Variants in GRK1 observed in about 807,000 individuals in gnomAD.
The protein encoded by GRK1 is rhodopsin kinase GRK1.
A neutral mutation model predicts 41.7 loss-of-function variants in GRK1; 28 were observed. The ratio of observed to expected loss-of-function variants is 0.67; its 90% confidence interval spans 0.50 to 0.92. The LOEUF (loss-of-function observed/expected upper bound fraction) is 0.92, where lower values mean the gene tolerates loss of function less well. Among genes scored for constraint, GRK1 ranks in the 40% least tolerant of loss-of-function variants. The probability of loss-of-function intolerance (pLI) is 0.00; values close to 1 mark genes in which losing one functional copy is unlikely to be tolerated. For synonymous variants in GRK1, 327 were observed against 286.7 expected, an observed-to-expected ratio of 1.14 and a Z score of -1.42; for missense variants, 703 against 671.2, an observed-to-expected ratio of 1.05 and a Z score of -0.52.
chr13:113,728,049 G>A (rs1456253057), intron 4 of GRK1, among the ~76,000 whole-genome samples: 8 of 94,240 alleles, frequency 8.5e-5, no homozygotes, highest in East Asian at 3.5e-4. Context: ...TACCCATGGC[G>A]ATGAGGAGTA....
At position 113,735,107 on chromosome 13, in the gene GRK1, T is replaced by C. The variant is rs761784046; in HGVS notation, c.1436T>C (p.Val479Ala). 2.0e-6 allele frequency: 3 copies of C among 1,534,506 alleles called. No individual in the cohort carries two copies. In the South Asian group the frequency reaches 3.6e-5, roughly 18 times the overall value. ...MPPFIPDSKTVYAKDIQDVGA... is the reference protein window; with the variant it reads ...MPPFIPDSKTAYAKDIQDVGA... ...CCTTTCATCCCAGACTCCAAAACTG[T>C]CTACGCAAAGGATATTCAGGACGTG... Residue 479 changes from valine to alanine, a missense_variant, in exon 7 of 7, where the codon GTC (valine) becomes GCC (alanine). Coordinates refer to ENST00000335678, the MANE Select transcript of GRK1 (RefSeq NM_002929.3).
At chr13:113,659,178 C>CG in the GRK1 span, among the ~76,000 whole-genome samples, 1 of 152,222 alleles carries the variant, frequency 6.6e-6, no homozygotes, top group Non-Finnish European at 1.5e-5. Context: ...TGTTGGGCGG[C>CG]GCACTTCAGA....
chr13:113,653,111 G>C, the GRK1 span: 10 of 1,580,672 alleles, frequency 6.3e-6, no homozygotes, highest in Non-Finnish European at 8.6e-6. Flanking sequence ...TCCTGCCCTG[G>C]CCCTGACGCC....
Position 113,730,694 on chromosome 13 carries a change from A to G in GRK1, c.1070-525A>G, listed in dbSNP as rs1382844322. Among the ~76,000 whole-genome samples the G allele has an allele frequency of 2.6e-5, 4 of 152,346 alleles. No homozygotes were observed. The East Asian group carries it at 7.7e-4, about 29-fold the overall frequency. On this transcript the variant is annotated intron_variant, in intron 4 of 6. Coordinates refer to ENST00000335678, the MANE Select transcript of GRK1 (RefSeq NM_002929.3). ...CCACCTCTCTGGAGAGGACACAGCC[A>G]TAGCACTCCTGGGTCACCGGACAAC...
intron 1 of GRK1, among the ~76,000 whole-genome samples, chr13:113,668,870 G>A (rs1308247099): frequency 6.6e-6 from 1 of 152,240 alleles, no homozygotes; most frequent in East Asian, 1.9e-4. Flanking sequence ...TGTGCACCCT[G>A]GCTCTGCGGA....
chr13:113,733,242 C>A, intron 6 of GRK1, 157 bp downstream of exon 6: 1 of 240,258 alleles, frequency 4.2e-6, no homozygotes, highest in Non-Finnish European at 6.7e-6. Flanking sequence ...GTCCTCCACT[C>A]ATCATCCCAG....
intron 4 of GRK1, among the ~76,000 whole-genome samples, chr13:113,728,517 A>G (rs1566697111): frequency 1.3e-5 from 2 of 152,118 alleles, no homozygotes; most frequent in Non-Finnish European, 2.9e-5. Context: ...ATGAGTACCC[A>G]TGGCCAGCTC....
At chr13:113,663,387 A>C (rs996661434), upstream of GRK1, among the ~76,000 whole-genome samples, 3 of 152,222 alleles carry the variant, frequency 2.0e-5, no homozygotes, top group African/African-American at 4.8e-5. Context: ...AAACTATAAA[A>C]CTTTTAGGAA....
chr13:113,666,193 T>C (rs1294300417), upstream of GRK1, among the ~76,000 whole-genome samples: 2 of 150,204 alleles, frequency 1.3e-5, no homozygotes, highest in Non-Finnish European at 3.0e-5. Context: ...GTCTCAGGTG[T>C]GCCCCAGGTG....
intron 6 of GRK1, among the ~76,000 whole-genome samples, chr13:113,733,926 A>ATACGTGTGTGCGTG (rs1464744217): frequency 6.5e-5 from 3 of 45,972 alleles, no homozygotes; most frequent in South Asian, 6.6e-4. Flanking sequence ...GCGTGTGTGC[A>ATACGTGTGTGCGTG]TGTGTGCATA....
chr13:113,728,347 G>T (rs2049908561), intron 4 of GRK1, among the ~76,000 whole-genome samples: 2 of 131,364 alleles, frequency 1.5e-5, no homozygotes, highest in Non-Finnish European at 3.1e-5. Flanking sequence ...TGGTGATGAG[G>T]AGTACCCATG....
chr13:113,732,243 G>A (rs578052317), intron 5 of GRK1, among the ~76,000 whole-genome samples: 1 of 152,156 alleles, frequency 6.6e-6, no homozygotes, highest in Non-Finnish European at 1.5e-5. Context: ...TGCCACCTGG[G>A]CGATGCCCAC....
the GRK1 span, chr13:113,657,993 C>T: frequency 6.6e-7 from 1 of 1,516,016 alleles, no homozygotes; most frequent in Non-Finnish European, 8.9e-7. Flanking sequence ...CTCAGAGCGG[C>T]CCCCTCCATG....
intron 6 of GRK1, among the ~76,000 whole-genome samples, chr13:113,734,025 T>C (rs1200193348): frequency 4.5e-5 from 5 of 109,944 alleles, no homozygotes; most frequent in African/African-American, 1.5e-4. Flanking sequence ...TGTGTGTGCG[T>C]GCGTGTGCGT....
chr13:113,651,249 T>G, the GRK1 span, among the ~76,000 whole-genome samples: 1 of 152,230 alleles, frequency 6.6e-6, no homozygotes, highest in African/African-American at 2.4e-5. Context: ...AAAAACAACC[T>G]GGAATTAGCC....
In GRK1 at chr13:113,667,960, G is replaced by A. The variant is rs992208174; in HGVS notation, c.574G>A (p.Asp192Asn). The A allele has an allele frequency of 1.4e-5, 23 of 1,610,478 alleles. No homozygotes were observed. The African/African-American group carries it at 3.1e-4, about 22-fold the overall frequency. The change falls in exon 1 of 7, where the codon GAC (aspartate) becomes AAC (asparagine). Residue 192 changes from aspartate to asparagine, a missense_variant. Asp to Asn is a conservative substitution (Grantham distance 23, BLOSUM62 1). Coordinates refer to ENST00000335678, the MANE Select transcript of GRK1 (RefSeq NM_002929.3). The surrounding 1 kb of genome is among the most constrained non-coding windows in gnomAD (Gnocchi z 7.5). ...AQPMGEDWFL[D>N]FRVLGKGGFG... ...GCCCATGGGGGAGGACTGGTTCCTG[G>A]ACTTCAGGGTCCTAGGGAAAGGGGG...
At position 113,732,873 on chromosome 13, in the gene GRK1, T is replaced by C. The variant is rs998587939; in HGVS notation, c.1195-11T>C. 6.5e-7 allele frequency: 1 copy of C among 1,535,750 alleles called. No homozygotes were observed. Among genetic ancestry groups the C allele is most frequent in the African/African-American group, 1.4e-5 (1 of 72,974 alleles). On this transcript the variant is annotated splice_polypyrimidine_tract_variant and intron_variant, in intron 5 of 6. Coordinates refer to ENST00000335678, the MANE Select transcript of GRK1 (RefSeq NM_002929.3). ...GGTCTGGCAGGGCTAAGGCTACGCGTGTCCCCACAGGTGGAGAACAAGGAG... is the reference window on the plus strand; with the variant it reads ...GGTCTGGCAGGGCTAAGGCTACGCGCGTCCCCACAGGTGGAGAACAAGGAG...
the GRK1 span, among the ~76,000 whole-genome samples, chr13:113,656,339 C>T: frequency 2.2e-4 from 33 of 152,306 alleles, no homozygotes; most frequent in South Asian, 8.3e-4. Flanking sequence ...CTCTGGGGCC[C>T]GTGGTGCACA....
At chr13:113,672,374 G>T (rs2049863269) in intron 3 of GRK1, among the ~76,000 whole-genome samples, 13 of 2,422 alleles carry the variant, frequency 5.4e-3, no homozygotes. Context: ...ATCTGGTGTG[G>T]TACGTGGTAT....
Sources: gnomAD v4.1 joint callset for allele counts (sites outside exome capture counted in the v4.1 genomes callset) on GRCh38, gnomAD v4.1.1 for gene constraint, Gnocchi (gnomAD v3.1) non-coding constraint, MANE v1.5 for transcripts, NCBI Gene and HGNC (gene_info 2026-07-23, HGNC 2026-07-21) for gene names.